The following CHD6 variants were observed in gnomAD, a reference collection of about 807,000 sequenced individuals.
CHD6 encodes the protein chromodomain helicase DNA binding protein 6.
Under a neutral mutation model 276.9 loss-of-function variants are expected in CHD6, and 50 were observed. The observed-to-expected ratio is 0.18, with a 90% CI of 0.14 to 0.23. The LOEUF is 0.23. Among genes scored for constraint, CHD6 ranks in the 10% least tolerant of loss-of-function variants. CHD6 has a pLI of 1.00. For missense variants in CHD6, 2,564 were observed against 3,365.8 expected (o/e 0.76, Z 5.89); for synonymous variants, 1,173 against 1,229.3 (o/e 0.95, Z 0.96).
chr20:41,521,504 A>C (rs2044394768), intron 3 of CHD6, among the ~76,000 whole-genome samples: 1 of 152,196 alleles, frequency 6.6e-6, no homozygotes, highest in Non-Finnish European at 1.5e-5. Flanking sequence ...CTTCTATAAC[A>C]TGTATGAACA....
chr20:41,423,755 A>G lies in CHD6; in HGVS notation c.4347-55T>C, dbSNP rs535344386. ...GCTCTTTCTTCTTTTTTTAAAGCCA[A>G]TAACTGCTTATTGAGAGCCTACTAT... On this transcript the variant is annotated intron_variant, in intron 29 of 36. Transcript: ENST00000373233. 162 of 1,406,814 alleles carry G rather than the reference A, an allele frequency of 1.2e-4. 2 individuals carry two copies. In the South Asian group the frequency reaches 1.2e-3, roughly 11 times the overall value. 87.1% of individuals were successfully genotyped at this position (1,406,814 alleles called of 1,614,324 possible).
intron 1 of CHD6, among the ~76,000 whole-genome samples, chr20:41,560,236 A>C (rs1490803164): frequency 1.3e-5 from 2 of 152,200 alleles, no homozygotes; most frequent in African/African-American, 4.8e-5. Context: ...AAAAAAAATA[A>C]AAACATATTC....
At position 41,437,352 on chromosome 20, in the gene CHD6, A is replaced by C. The variant is rs779980856; in HGVS notation, c.4008-18T>G. ...TGTTGCCTCTAAATAAAAGTAAAAA[A>C]AGGCATCACATACTACCTAGGTCCC... On this transcript the variant is annotated intron_variant, in intron 26 of 36. Transcript: ENST00000373233. The C allele has an allele frequency of 1.3e-6, 2 of 1,596,354 alleles. No homozygotes were observed. The highest frequency in any genetic ancestry group is 2.7e-5 in the African/African-American group (2 of 74,448).
intron 17 of CHD6, among the ~76,000 whole-genome samples, chr20:41,466,998 C>T (rs1221743317): frequency 3.3e-5 from 5 of 152,196 alleles, no homozygotes; most frequent in Non-Finnish European, 5.9e-5. Flanking sequence ...CTGTAAACCA[C>T]ACATACTGAG....
chr20:41,442,986 C>T (rs968034920), intron 25 of CHD6, among the ~76,000 whole-genome samples: 3 of 152,212 alleles, frequency 2.0e-5, no homozygotes, highest in South Asian at 2.1e-4. Flanking sequence ...GCTTTTTCTT[C>T]TCTTGTCTTT....
At position 41,498,230 on chromosome 20, in the gene CHD6, T is replaced by C. The variant is rs747300099; in HGVS notation, c.916-4A>G. On this transcript the variant is annotated splice_polypyrimidine_tract_variant and splice_region_variant and intron_variant, in intron 6 of 36. Transcript: ENST00000373233. The stretch of plus-strand genomic sequence containing the variant: ...ACGGAGGTTCTCCTGGGTGAACCTG[T>C]AACAAACAGCAAGCAGTTATCAGCC... The C allele has an allele frequency of 1.2e-6, 2 of 1,608,188 alleles. No homozygotes were observed. The highest frequency in any genetic ancestry group is 1.3e-5 in the African/African-American group (1 of 74,642).
At chr20:41,466,721 T>C (rs2042928518) in intron 17 of CHD6, among the ~76,000 whole-genome samples, 1 of 152,206 alleles carries the variant, frequency 6.6e-6, no homozygotes, top group Non-Finnish European at 1.5e-5. Flanking sequence ...GAGCAAAAGA[T>C]CTGATGGAGG....
At chr20:41,599,111 TTAC>T (rs1182507187) in intron 1 of CHD6, among the ~76,000 whole-genome samples, 11 of 152,324 alleles carry the variant, frequency 7.2e-5, no homozygotes, top group African/African-American at 2.6e-4. Flanking sequence ...TAAATTACAT[TTAC>T]TATAATCAAC....
At position 41,524,254 on chromosome 20, in the gene CHD6, C is replaced by G. The variant is rs183568752; in HGVS notation, c.554+8796G>C. Among the ~76,000 whole-genome samples the G allele has an allele frequency of 7.9e-5, 12 of 152,164 alleles. No individual in the cohort carries two copies. In the East Asian group the frequency reaches 2.1e-3, roughly 27 times the overall value. On this transcript the variant is annotated intron_variant, in intron 3 of 36. Transcript: ENST00000373233. Reference sequence around the variant, plus strand: ...GTATTAACTGAGTCTACATAGAAAACTGAGTTGGTATTGATTTTTTAAAGA... The same window carrying G: ...GTATTAACTGAGTCTACATAGAAAAGTGAGTTGGTATTGATTTTTTAAAGA...
chr20:41,515,332 T>C (rs2044223985), intron 3 of CHD6, among the ~76,000 whole-genome samples: 1 of 152,218 alleles, frequency 6.6e-6, no homozygotes, highest in South Asian at 2.1e-4. Context: ...ATCTCCCTAA[T>C]CTGTCACCAA....
intron 23 of CHD6, 40 bp downstream of exon 23, chr20:41,450,906 G>A: frequency 6.3e-7 from 1 of 1,581,602 alleles, no homozygotes; most frequent in Non-Finnish European, 8.6e-7. Flanking sequence ...AGCAGTCTGA[G>A]CCGGGCTGCC....
At chr20:41,425,135 C>A (rs1002493892) in intron 29 of CHD6, 43 bp downstream of exon 29, 2 of 1,526,982 alleles carry the variant, frequency 1.3e-6, no homozygotes, top group South Asian at 1.1e-5. Flanking sequence ...AAAACTTTAC[C>A]CAGTGGGTGG....
At chr20:41,445,248 T>G (rs139925059) in intron 25 of CHD6, among the ~76,000 whole-genome samples, 97 of 152,342 alleles carry the variant, frequency 6.4e-4, no homozygotes, top group African/African-American at 2.2e-3. Flanking sequence ...TAGGAAGATG[T>G]AGATTATCGA....
chr20:41,552,631 T>C (rs775538554), intron 1 of CHD6, among the ~76,000 whole-genome samples: 5 of 152,202 alleles, frequency 3.3e-5, no homozygotes, highest in Non-Finnish European at 5.9e-5. Context: ...AAAGACATGA[T>C]TCCAATCATC....
chr20:41,516,867 G>C (rs1309608903), intron 3 of CHD6, among the ~76,000 whole-genome samples: 1 of 152,196 alleles, frequency 6.6e-6, no homozygotes, highest in African/African-American at 2.4e-5. Context: ...GAACCAGGAA[G>C]TCTCGGCAAG....
chr20:41,500,184 T>C (rs2043797558), intron 5 of CHD6, among the ~76,000 whole-genome samples: 1 of 152,124 alleles, frequency 6.6e-6, no homozygotes, highest in Non-Finnish European at 1.5e-5. Context: ...TAAAACACCA[T>C]ATGAAAAGAA....
chr20:41,515,683 A>G (rs1047679876), intron 3 of CHD6, among the ~76,000 whole-genome samples: 1 of 152,256 alleles, frequency 6.6e-6, no homozygotes, highest in Non-Finnish European at 1.5e-5. Context: ...TATGAGGCTC[A>G]GAATTCACAT....
chr20:41,598,176 C>T (rs961508261), intron 1 of CHD6, among the ~76,000 whole-genome samples: 3 of 152,264 alleles, frequency 2.0e-5, no homozygotes, highest in Middle Eastern at 3.4e-3. Context: ...CCCAAAATTC[C>T]TCCCTTCATT....
At chr20:41,586,207 G>A (rs1037337828) in intron 1 of CHD6, among the ~76,000 whole-genome samples, 12 of 152,096 alleles carry the variant, frequency 7.9e-5, no homozygotes, top group Non-Finnish European at 1.0e-4. Context: ...CTTCTGGTCC[G>A]TGTTTGTTCC....
Sources: gnomAD v4.1 joint callset for allele counts (sites outside exome capture counted in the v4.1 genomes callset) on GRCh38, gnomAD v4.1.1 for gene constraint, MANE v1.5 for transcripts, NCBI Gene and HGNC (gene_info 2026-07-23, HGNC 2026-07-21) for gene names.